Variants in WWOX observed in about 807,000 individuals in gnomAD.
WWOX encodes WW domain-containing oxidoreductase.
In WWOX, 69 loss-of-function variants were observed where a neutral mutation model predicts 46.2. The observed-to-expected ratio is 1.49, with a 90% CI of 1.23 to 1.82. The LOEUF (loss-of-function observed/expected upper bound fraction) is 1.82. WWOX is among the 40% of genes most tolerant of loss of function. The pLI is 0.00. For synonymous variants in WWOX, 359 were observed against 202.6 expected (o/e 1.77, Z -6.56); for missense variants, 919 against 542.6 (o/e 1.69, Z -6.89).
intron 5 of WWOX, among the ~76,000 whole-genome samples, chr16:78,210,532 C>T (rs1333156967): frequency 8.5e-5 from 13 of 152,124 alleles, no homozygotes; most frequent in Admixed American, 8.5e-4. Flanking sequence ...TTCTCTGTCT[C>T]TCTCTCTTTC....
intron 8 of WWOX, among the ~76,000 whole-genome samples, chr16:78,851,462 C>T (rs2052441175): frequency 6.6e-6 from 1 of 152,202 alleles, no homozygotes; most frequent in South Asian, 2.1e-4. Flanking sequence ...AAGCAAAGGT[C>T]ATTGCCTATA....
intron 8 of WWOX, among the ~76,000 whole-genome samples, chr16:78,805,302 G>C (rs753351963): frequency 7.2e-5 from 11 of 152,124 alleles, no homozygotes; most frequent in Non-Finnish European, 1.2e-4. Flanking sequence ...GCCCAGGCTC[G>C]AGTGCAGTGG....
chr16:79,178,492 T>G (rs906555467), intron 8 of WWOX, among the ~76,000 whole-genome samples: 2 of 152,092 alleles, frequency 1.3e-5, no homozygotes, highest in African/African-American at 4.8e-5. Flanking sequence ...ATTTTCTAAA[T>G]TTTTTGTAGA....
intron 8 of WWOX, among the ~76,000 whole-genome samples, chr16:78,708,759 C>T (rs963988256): frequency 6.6e-5 from 10 of 152,092 alleles, no homozygotes; most frequent in African/African-American, 1.7e-4. Flanking sequence ...AGATACATGA[C>T]GTTGAAATCA....
intron 2 of WWOX, among the ~76,000 whole-genome samples, chr16:78,108,815 G>A (rs766467094): frequency 2.0e-4 from 31 of 152,272 alleles, no homozygotes; most frequent in Non-Finnish European, 3.5e-4. Flanking sequence ...TGTTGAAAGC[G>A]CATCTCTTCT....
At chr16:78,770,848 C>T (rs1187853075) in intron 8 of WWOX, among the ~76,000 whole-genome samples, 1 of 152,242 alleles carries the variant, frequency 6.6e-6, no homozygotes. Flanking sequence ...GGTACTGAGA[C>T]GTCATCTGTG....
At chr16:78,784,826 C>G (rs952969750) in intron 8 of WWOX, among the ~76,000 whole-genome samples, 1 of 152,088 alleles carries the variant, frequency 6.6e-6, no homozygotes, top group African/African-American at 2.4e-5. Flanking sequence ...CCAAGGATCC[C>G]CAAGGGATAC....
chr16:78,364,380 T>C (rs574238673), intron 5 of WWOX, among the ~76,000 whole-genome samples: 4 of 152,334 alleles, frequency 2.6e-5, no homozygotes, highest in Admixed American at 2.0e-4. Context: ...TCTGATTTAT[T>C]AACCATTTAC....
chr16:78,541,337 A>G (rs2043888413), intron 8 of WWOX, among the ~76,000 whole-genome samples: 5 of 150,680 alleles, frequency 3.3e-5, no homozygotes, highest in Admixed American at 3.3e-4. Flanking sequence ...AGCCGGGCGT[A>G]GTGGCGGGCA....
At chr16:79,211,426 G>A (rs966693641) in intron 8 of WWOX, among the ~76,000 whole-genome samples, 182 bp from the exon 9 acceptor site, 22 of 152,154 alleles carry the variant, frequency 1.4e-4, no homozygotes, top group Non-Finnish European at 2.6e-4. Flanking sequence ...CGTTTTTCCA[G>A]GATAGTCACA....
chr16:78,911,628 A>G (rs1378097958), intron 8 of WWOX, among the ~76,000 whole-genome samples: 1 of 152,158 alleles, frequency 6.6e-6, no homozygotes. Context: ...CACTTTGGGA[A>G]GCTGAGACAG....
chr16:78,311,687 C>T (rs1200783038), intron 5 of WWOX, among the ~76,000 whole-genome samples: 1 of 152,056 alleles, frequency 6.6e-6, no homozygotes, highest in Non-Finnish European at 1.5e-5. Context: ...AGAAGAAAAG[C>T]CAAAGGCAGA....
At chr16:79,108,400 A>G (rs1425247938) in intron 8 of WWOX, among the ~76,000 whole-genome samples, 7 of 152,166 alleles carry the variant, frequency 4.6e-5, no homozygotes, top group African/African-American at 1.4e-4. Context: ...TGTCTACCTG[A>G]CCACCCCTCC....
intron 8 of WWOX, among the ~76,000 whole-genome samples, chr16:78,621,996 A>T (rs75771786): frequency 1.3e-5 from 2 of 152,054 alleles, no homozygotes; most frequent in African/African-American, 2.4e-5. Context: ...TGGATGTCCA[A>T]TGTCATTCTT....
At chr16:78,121,404 A>C (rs571575707) in intron 4 of WWOX, among the ~76,000 whole-genome samples, 79 of 152,320 alleles carry the variant, frequency 5.2e-4, no homozygotes, top group African/African-American at 1.9e-3. Context: ...ATAAAAATTG[A>C]GAATTAGTAC....
intron 8 of WWOX, among the ~76,000 whole-genome samples, chr16:78,801,669 G>A (rs1329663635): frequency 2.6e-5 from 4 of 152,166 alleles, no homozygotes; most frequent in Non-Finnish European, 5.9e-5. Flanking sequence ...TATCCACAGA[G>A]TTTTAAAGTG....
chr16:78,568,999 A>G (rs766239234), intron 8 of WWOX, among the ~76,000 whole-genome samples: 5 of 152,234 alleles, frequency 3.3e-5, no homozygotes, highest in Non-Finnish European at 5.9e-5. Context: ...TTACCCAGAT[A>G]GTGCTGTTAG....
At chr16:79,150,638 T>C (rs1206617293) in intron 8 of WWOX, among the ~76,000 whole-genome samples, 1 of 152,182 alleles carries the variant, frequency 6.6e-6, no homozygotes, top group African/African-American at 2.4e-5. Context: ...TAGAAATTCA[T>C]ATATTTTTAA....
At chr16:78,623,756 A>G (rs938500804) in intron 8 of WWOX, among the ~76,000 whole-genome samples, 6 of 150,860 alleles carry the variant, frequency 4.0e-5, no homozygotes, top group Non-Finnish European at 7.4e-5. Context: ...AAAAAAGTGT[A>G]CTTTTTGAGG....
Sources: allele counts gnomAD v4.1 joint callset (sites outside exome capture counted in the v4.1 genomes callset), GRCh38; gene constraint gnomAD v4.1.1; transcripts MANE v1.5; gene names NCBI Gene and HGNC (gene_info 2026-07-23, HGNC 2026-07-21).